Variants in PRIM2 observed in about 807,000 individuals in gnomAD.
PRIM2 encodes the protein DNA primase subunit 2, also known as DNA primase large subunit.
In PRIM2, 39 loss-of-function variants were observed where a neutral mutation model predicts 67.3. The ratio of observed to expected loss-of-function variants is 0.58; its 90% CI spans 0.45 to 0.76. The LOEUF is 0.76. Ranked by LOEUF, PRIM2 falls within the 30% of genes least tolerant of loss-of-function variation. The pLI is 0.00. For synonymous variants in PRIM2, 143 were observed against 198.7 expected (o/e 0.72, Z 2.36); for missense variants, 398 against 598.7 (o/e 0.66, Z 3.50).
At chr6:57,640,858 C>T (rs1464133825) in intron 13 of PRIM2, among the ~76,000 whole-genome samples, 29 of 151,940 alleles carry the variant, frequency 1.9e-4, no homozygotes, top group East Asian at 9.7e-4. Flanking sequence ...TGACTTTCTG[C>T]GCAGAATTAG....
At chr6:57,499,421 C>T (rs1774080288) in intron 7 of PRIM2, among the ~76,000 whole-genome samples, 3 of 152,148 alleles carry the variant, frequency 2.0e-5, no homozygotes, top group Middle Eastern at 3.2e-3. Context: ...AGGCCATAAA[C>T]CCTAGCCGAC....
At chr6:57,271,045 G>T in the PRIM2 span, among the ~76,000 whole-genome samples, 3 of 152,250 alleles carry the variant, frequency 2.0e-5, no homozygotes, top group South Asian at 6.2e-4. Flanking sequence ...TTTTATTGAG[G>T]ATTTTTGCAT....
At chr6:57,250,373 A>G in the PRIM2 span, among the ~76,000 whole-genome samples, 50 of 152,334 alleles carry the variant, frequency 3.3e-4, no homozygotes, top group African/African-American at 1.1e-3. Flanking sequence ...AAATAAAAGA[A>G]ACATGACCAC....
In PRIM2 at chr6:57,382,097, T is replaced by G. The variant is rs2127337707; in HGVS notation, c.622T>G (p.Tyr208Asp). Residue 208 changes from tyrosine (Y) to aspartate (D), a missense_variant, in exon 7 of 14, where the codon TAC becomes GAC. By Grantham distance (160) the Tyr-to-Asp change is radical (BLOSUM62 -3). This residue lies in a region of PRIM2 where 229 missense variants were observed against 383.6 expected (regional missense o/e 0.60). Transcript: ENST00000615550. ...RKVYLEDGFA[Y>D]VPLKDIVAII... The stretch of plus-strand genomic sequence containing the variant: ...AGTCTATTTGGAAGATGGCTTTGCT[T>G]ACGTACCACTTAAGGACATTGTGGC... The G allele has an allele frequency of 6.2e-7, 1 of 1,613,316 alleles. No individual in the cohort carries two copies. Among genetic ancestry groups the G allele is most frequent in the East Asian group, 2.2e-5 (1 of 44,828 alleles).
At chr6:57,296,793 C>T in the PRIM2 span, among the ~76,000 whole-genome samples, 693 of 152,136 alleles carry the variant, frequency 4.6e-3, 4 homozygotes, top group Non-Finnish European at 8.1e-3. Flanking sequence ...TTAAAAAGAA[C>T]CAGGGCTCTT....
intron 5 of PRIM2, among the ~76,000 whole-genome samples, chr6:57,340,433 A>G (rs113043997): frequency 1.3e-5 from 2 of 152,194 alleles, no homozygotes; most frequent in South Asian, 2.1e-4. Flanking sequence ...ACTATTCACA[A>G]TAGCAAAGAC....
the PRIM2 span, among the ~76,000 whole-genome samples, chr6:57,234,579 A>G: frequency 2.6e-5 from 4 of 152,116 alleles, 1 homozygote; most frequent in South Asian, 8.3e-4. Flanking sequence ...GCTGGAGTGC[A>G]GTGGCGCAAT....
chr6:57,469,111 C>T (rs1304255189), intron 7 of PRIM2, among the ~76,000 whole-genome samples: 2 of 152,184 alleles, frequency 1.3e-5, no homozygotes, highest in Non-Finnish European at 2.9e-5. Flanking sequence ...TTGTGATTAT[C>T]TTGGTATACA....
chr6:57,516,789 CATG>C (rs1310770548), intron 8 of PRIM2, among the ~76,000 whole-genome samples: 8 of 152,228 alleles, frequency 5.3e-5, no homozygotes, highest in Non-Finnish European at 7.4e-5. Flanking sequence ...CTGGTTGCCT[CATG>C]ATGTTAGGTT....
intron 10 of PRIM2, among the ~76,000 whole-genome samples, chr6:57,587,872 C>T (rs1300381488): frequency 3.3e-5 from 5 of 152,068 alleles, no homozygotes; most frequent in South Asian, 4.1e-4. Context: ...AAGTAATGCA[C>T]GGATTAGAAG....
chr6:57,421,106 A>T (rs1314841501), intron 7 of PRIM2, among the ~76,000 whole-genome samples: 1 of 152,212 alleles, frequency 6.6e-6, no homozygotes, highest in Non-Finnish European at 1.5e-5. Flanking sequence ...AAGCTCAAAG[A>T]TGGTAGACCA....
intron 12 of PRIM2, among the ~76,000 whole-genome samples, chr6:57,610,428 C>T (rs1367814968): frequency 2.6e-5 from 4 of 152,162 alleles, no homozygotes; most frequent in Non-Finnish European, 5.9e-5. Flanking sequence ...CATTGTGACT[C>T]AGCTGGTGTT....
At chr6:57,625,754 A>G (rs1776940093) in intron 12 of PRIM2, among the ~76,000 whole-genome samples, 1 of 152,244 alleles carries the variant, frequency 6.6e-6, no homozygotes, top group Admixed American at 6.5e-5. Context: ...TAGATAATAA[A>G]GAGTCAGAAA....
At chr6:57,447,873 A>G (rs1772415529) in intron 7 of PRIM2, among the ~76,000 whole-genome samples, 1 of 152,218 alleles carries the variant, frequency 6.6e-6, no homozygotes, top group African/African-American at 2.4e-5. Context: ...TTTGATAATT[A>G]ATTGAAGGAA....
At chr6:57,373,202 T>C (rs1769624314) in intron 5 of PRIM2, among the ~76,000 whole-genome samples, 1 of 152,010 alleles carries the variant, frequency 6.6e-6, no homozygotes, top group Admixed American at 6.5e-5. Flanking sequence ...TTTGCATTTG[T>C]CTAATGATCA....
At chr6:57,414,382 A>G (rs1771191834) in intron 7 of PRIM2, among the ~76,000 whole-genome samples, 1 of 152,192 alleles carries the variant, frequency 6.6e-6, no homozygotes, top group Non-Finnish European at 1.5e-5. Context: ...TGAACTACTT[A>G]AAAGAGAAAA....
rs1316733249 is a variant in PRIM2, at chr6:57,357,633, G to GCCCA, written c.460-22267_460-22264dup. ...TTTTTGAGACAGTTTCGCTCTTGTT[G>GCCCA]CCCAGGCTGGAGTGCAGTGGTGCGA... On this transcript the variant is annotated intron_variant, in intron 5 of 13. Coordinates refer to ENST00000615550, the MANE Select transcript of PRIM2 (RefSeq NM_000947.5). 2.9e-5 allele frequency among the ~76,000 whole-genome samples: 4 copies of GCCCA among 136,900 alleles called. No individual in the cohort carries two copies. The East Asian group carries it at 9.0e-4, about 31-fold the overall frequency. The allele number at this position is 136,900 out of a possible 152,430, so 89.8% of individuals were successfully genotyped here.
chr6:57,426,465 A>G lies in PRIM2; in HGVS notation c.693+44297A>G, dbSNP rs538340882. Among the ~76,000 whole-genome samples the G allele has an allele frequency of 4.6e-5, 7 of 152,326 alleles. No individual in the cohort carries two copies. In the South Asian group the frequency reaches 6.2e-4, roughly 14 times the overall value. Reference sequence around the variant, plus strand: ...TGTTCAAGAATCCCAAAGTGAGGAAAAGATTTGAACAGACATTTTACAAAG... The same window carrying G: ...TGTTCAAGAATCCCAAAGTGAGGAAGAGATTTGAACAGACATTTTACAAAG... On this transcript the variant is annotated intron_variant, in intron 7 of 13. Transcript: ENST00000615550.
chr6:57,446,157 G>A (rs537815036), intron 7 of PRIM2, among the ~76,000 whole-genome samples: 1 of 152,236 alleles, frequency 6.6e-6, no homozygotes, highest in Admixed American at 6.5e-5. Flanking sequence ...CAGCCAGATA[G>A]CATTGTTTCT....
Sources: gnomAD v4.1 joint callset for allele counts (sites outside exome capture counted in the v4.1 genomes callset) on GRCh38, gnomAD v4.1.1 for gene constraint, gnomAD v4.1.1 regional missense constraint, MANE v1.5 for transcripts, NCBI Gene and HGNC (gene_info 2026-07-23, HGNC 2026-07-21) for gene names.